PDE12: variants seen among roughly 807,000 people sequenced by gnomAD.
PDE12 encodes the protein 2',5'-phosphodiesterase 12.
A neutral mutation model predicts 45.4 loss-of-function variants in PDE12; 26 were observed. That is an observed-to-expected ratio of 0.57 (90% CI 0.42 to 0.79). PDE12 has a LOEUF of 0.79. Ranked by LOEUF, PDE12 falls within the 30% of genes least tolerant of loss-of-function variation. The pLI, the probability that PDE12 is intolerant of heterozygous loss-of-function variation, is 0.00. For missense variants in PDE12, 668 were observed against 790.0 expected, an observed-to-expected ratio of 0.85 and a Z score of 1.85; for synonymous variants, 283 against 323.9, an observed-to-expected ratio of 0.87 and a Z score of 1.36.
At chr3:57,618,376 A>C in the PDE12 span, among the ~76,000 whole-genome samples, 1 of 152,130 alleles carries the variant, frequency 6.6e-6, no homozygotes, top group East Asian at 1.9e-4. Flanking sequence ...CAGTCATCTC[A>C]ATAGATGCAG....
chr3:57,636,773 C>A, the PDE12 span, among the ~76,000 whole-genome samples: 11 of 151,778 alleles, frequency 7.2e-5, no homozygotes, highest in African/African-American at 1.9e-4. Context: ...CCTGTCTCCA[C>A]TAAAAATACA....
the PDE12 span, chr3:57,628,132 A>C: frequency 5.2e-6 from 8 of 1,536,998 alleles, no homozygotes; most frequent in Non-Finnish European, 7.0e-6. Flanking sequence ...TGCCACTGAG[A>C]GATCTCCTTT....
the PDE12 span, chr3:57,572,062 G>C: frequency 3.3e-6 from 2 of 603,792 alleles, no homozygotes; most frequent in East Asian, 5.3e-5. Context: ...CATTATACTC[G>C]GTAAACAATA....
chr3:57,561,752 CCT>C lies in PDE12; in HGVS notation c.*1751_*1752del. 8 of 984,216 alleles carry C rather than the reference CCT, an allele frequency of 8.1e-6. No individual in the cohort carries two copies. Among genetic ancestry groups the C allele is most frequent in the Non-Finnish European group, 9.7e-6 (8 of 828,908 alleles). 61.0% of individuals were successfully genotyped at this position (984,216 alleles called of 1,614,324 possible). Reference sequence around the variant, plus strand: ...TCTGAACCTAGTATCATAAGAATTTCCTCTTTTGATAACATCTGTACTTTCAT... The same window carrying C: ...TCTGAACCTAGTATCATAAGAATTTCCTTTTGATAACATCTGTACTTTCAT... On this transcript the variant is annotated 3_prime_UTR_variant, in exon 3 of 3. Transcript: ENST00000311180.
chr3:57,600,065 A>G, the PDE12 span: 1 of 151,878 alleles, frequency 6.6e-6, no homozygotes, highest in Non-Finnish European at 1.5e-5. Flanking sequence ...ACAGGGTCTC[A>G]CTTTGTCACC....
In PDE12 at chr3:57,556,808, A is replaced by G; in HGVS notation, c.429A>G (p.Gln143=). The stretch of plus-strand genomic sequence containing the variant: ...ACGTGCTCAACGTGGATGCCTGGCA[A>G]GACGGCGCGGTGCTGCAGATCGGCG... The part of the protein sequence containing the change: ...AEDVLNVDAW[Q]DGAVLQIGDV... Residue 143 remains glutamine (Q), a synonymous_variant, in exon 1 of 3, where the codon CAA becomes CAG. Transcript: ENST00000311180. This position sits in a 1 kb window ranked among gnomAD's most constrained non-coding sequence, Gnocchi z 5.0. 2 of 1,612,748 alleles carry G rather than the reference A, an allele frequency of 1.2e-6. No homozygotes were observed. The highest frequency in any genetic ancestry group is 1.7e-6 in the Non-Finnish European group (2 of 1,179,054).
downstream of PDE12, among the ~76,000 whole-genome samples, chr3:57,568,858 C>CA (rs10718820): frequency 0.021 from 2,482 of 119,090 alleles, 44 homozygotes; most frequent in African/African-American, 0.056. Flanking sequence ...ATGTTATGGA[C>CA]AAAAAAAAAA....
chr3:57,572,680 A>T, the PDE12 span, among the ~76,000 whole-genome samples: 1 of 152,110 alleles, frequency 6.6e-6, no homozygotes, highest in African/African-American at 2.4e-5. Flanking sequence ...CGTCTCAATC[A>T]ATCAAGCTAC....
At chr3:57,649,973 T>C in the PDE12 span, among the ~76,000 whole-genome samples, 1 of 151,224 alleles carries the variant, frequency 6.6e-6, no homozygotes, top group Admixed American at 6.6e-5. Context: ...TAAAAAGGAA[T>C]GAAATAAAGG....
At chr3:57,608,205 C>T in the PDE12 span, among the ~76,000 whole-genome samples, 1 of 152,070 alleles carries the variant, frequency 6.6e-6, no homozygotes, top group Admixed American at 6.6e-5. Context: ...TTTGTCACCA[C>T]CAGGCCTGCC....
chr3:57,646,724 T>A, the PDE12 span, among the ~76,000 whole-genome samples: 1 of 152,216 alleles, frequency 6.6e-6, no homozygotes, highest in Admixed American at 6.5e-5. Flanking sequence ...ATTCTCAAAT[T>A]GTTGTACCAT....
the PDE12 span, among the ~76,000 whole-genome samples, chr3:57,654,268 T>G: frequency 2.0e-5 from 3 of 152,104 alleles, no homozygotes. Flanking sequence ...AATTCACTTC[T>G]AAGAATTAAA....
chr3:57,568,095 T>TAAAAAAAAA (rs2069802595), downstream of PDE12, among the ~76,000 whole-genome samples: 25 of 100,396 alleles, frequency 2.5e-4, no homozygotes, highest in African/African-American at 9.4e-4. Flanking sequence ...AAAAAAAAAG[T>TAAAAAAAAA]AAAGCACTTG....
At chr3:57,568,372 T>C (rs2069805235), downstream of PDE12, among the ~76,000 whole-genome samples, 1 of 151,858 alleles carries the variant, frequency 6.6e-6, no homozygotes, top group Non-Finnish European at 1.5e-5. Context: ...GGAGGATCGC[T>C]TGAGCTTGGG....
the PDE12 span, among the ~76,000 whole-genome samples, chr3:57,601,655 A>G: frequency 1.3e-5 from 2 of 152,018 alleles, no homozygotes; most frequent in Admixed American, 1.3e-4. Context: ...ATACCCAGGT[A>G]CAACTATAAT....
rs2069708240 is a variant in PDE12, at chr3:57,559,825, A to G, written c.1651A>G (p.Asn551Asp). 2 of 1,614,046 alleles carry G rather than the reference A, an allele frequency of 1.2e-6. No homozygotes were observed. The highest frequency in any genetic ancestry group is 1.3e-5 in the African/African-American group (1 of 74,936). ...KSACGEPAYT[N>D]YVGGFHGCLD... ...TGCTTGTGGTGAACCTGCTTACACA[A>G]ATTATGTTGGTGGCTTTCATGGATG... Residue 551 changes from asparagine (N) to aspartate (D), a missense_variant, in exon 3 of 3, where the codon AAT becomes GAT. Physicochemically the swap from Asn to Asp is conservative, Grantham distance 23. Transcript: ENST00000311180.
the PDE12 span, among the ~76,000 whole-genome samples, chr3:57,628,499 A>C: frequency 6.6e-6 from 1 of 152,222 alleles, no homozygotes; most frequent in Admixed American, 6.5e-5. Flanking sequence ...GGAGCATTCT[A>C]TTTAAACAAT....
the PDE12 span, chr3:57,627,008 C>T: frequency 2.0e-5 from 3 of 152,062 alleles, no homozygotes; most frequent in South Asian, 2.1e-4. Flanking sequence ...ACATAAAAAA[C>T]TCATGAATGC....
At chr3:57,572,994 AG>A in the PDE12 span, among the ~76,000 whole-genome samples, 2 of 151,902 alleles carry the variant, frequency 1.3e-5, no homozygotes, top group African/African-American at 4.8e-5. Flanking sequence ...TGAGGTCAGG[AG>A]ATCGAGACCT....
Sources: allele counts gnomAD v4.1 joint callset (sites outside exome capture counted in the v4.1 genomes callset), GRCh38; gene constraint gnomAD v4.1.1; non-coding constraint Gnocchi (gnomAD v3.1); transcripts MANE v1.5; gene names NCBI Gene and HGNC (gene_info 2026-07-23, HGNC 2026-07-21).